The following RLN2 variants were observed in gnomAD, a reference collection of about 807,000 sequenced individuals.
RLN2 encodes the protein prorelaxin H2.
A neutral mutation model predicts 7.3 loss-of-function variants in RLN2; 10 were observed. The observed-to-expected ratio is 1.36, with a 90% CI of 0.84 to 2.31. The LOEUF (loss-of-function observed/expected upper bound fraction) is 2.31. Ranked by LOEUF, RLN2 falls within the 30% of genes most tolerant of loss-of-function variation. The pLI is 0.00. For missense variants in RLN2, 298 were observed against 217.6 expected, an observed-to-expected ratio of 1.37 and a Z score of -2.32; for synonymous variants, 103 against 82.3, an observed-to-expected ratio of 1.25 and a Z score of -1.36.
At chr9:5,336,723 CTCT>C in the RLN2 span, among the ~76,000 whole-genome samples, 3 of 152,018 alleles carry the variant, frequency 2.0e-5, no homozygotes, top group African/African-American at 7.3e-5. Context: ...GGTCTTGCTG[CTCT>C]TCTTCTTGGA....
rs763218675 is a variant in RLN2 at position 5,300,164 on chromosome 9, G to A, written c.492C>T (p.Tyr164=). Residue 164 remains tyrosine (Y), a synonymous_variant, in exon 2 of 2, where the codon TAC becomes TAT. Transcript: ENST00000381627. Reference sequence around the variant, plus strand: ...GGCAACATTTATTAGCCAATGCACTGTAGAGTTGTCTCTTTTTTCGAGAAT... The same window carrying A: ...GGCAACATTTATTAGCCAATGCACTATAGAGTTGTCTCTTTTTTCGAGAAT... ...DTHSRKKRQL[Y]SALANKCCHV... 9.9e-6 allele frequency: 16 copies of A among 1,613,602 alleles called. No homozygotes were observed. The Admixed American group carries it at 2.7e-4, about 27-fold the overall frequency.
upstream of RLN2, among the ~76,000 whole-genome samples, chr9:5,305,359 CCACACACACACACACACA>C (rs34733616): frequency 8.2e-4 from 100 of 121,898 alleles, no homozygotes; most frequent in Non-Finnish European, 1.1e-3. Context: ...GGAGAACATA[CCACACACACACACACACA>C]CACACACACA....
At chr9:5,323,312 T>C in the RLN2 span, among the ~76,000 whole-genome samples, 2 of 152,032 alleles carry the variant, frequency 1.3e-5, 1 homozygote, top group Non-Finnish European at 2.9e-5. Context: ...CTAATATCAA[T>C]TTAATTCATA....
At chr9:5,319,445 AG>A in the RLN2 span, among the ~76,000 whole-genome samples, 1 of 151,724 alleles carries the variant, frequency 6.6e-6, no homozygotes, top group Admixed American at 6.6e-5. Flanking sequence ...TTTTATGAGA[AG>A]TTTTTTTTAA....
intron 1 of RLN2, among the ~76,000 whole-genome samples, chr9:5,300,728 T>G (rs1816104420): frequency 6.6e-6 from 1 of 152,216 alleles, no homozygotes; most frequent in African/African-American, 2.4e-5. Flanking sequence ...TGACTCTCCC[T>G]GACATTAATC....
At chr9:5,330,420 C>G in the RLN2 span, among the ~76,000 whole-genome samples, 3 of 151,704 alleles carry the variant, frequency 2.0e-5, no homozygotes, top group African/African-American at 7.3e-5. Flanking sequence ...GGGCAGATCA[C>G]GAGGTCAGGA....
At chr9:5,306,114 T>TG (rs1554618126), upstream of RLN2, among the ~76,000 whole-genome samples, 9 of 150,154 alleles carry the variant, frequency 6.0e-5, 1 homozygote, top group Non-Finnish European at 1.2e-4. Context: ...TTTTTGTTTT[T>TG]TTTTTTTTTT....
At chr9:5,331,786 T>C in the RLN2 span, among the ~76,000 whole-genome samples, 2 of 152,038 alleles carry the variant, frequency 1.3e-5, no homozygotes, top group African/African-American at 4.8e-5. Context: ...CTGCACGTTG[T>C]GCACATGTAC....
rs1253841947 is a variant in RLN2, at chr9:5,304,398, A to G, written c.183T>C (p.Asp61=). The change falls in exon 1 of 2, where the codon GAT becomes GAC. Residue 61 remains aspartate, a synonymous_variant. Transcript: ENST00000381627. ...CCACTGGTCTAGGTGTCTGAGGAGC[A>G]TCTTCCTGGCTCAGAGACCTTTTGC... is the stretch of plus-strand genomic sequence containing the variant. ...TWSKRSLSQE[D]APQTPRPVAE... 6.2e-7 allele frequency: 1 copy of G among 1,607,212 alleles called. No individual in the cohort carries two copies. Among genetic ancestry groups the G allele is most frequent in the Non-Finnish European group, 8.5e-7 (1 of 1,177,654 alleles).
chr9:5,336,246 T>A, the RLN2 span, among the ~76,000 whole-genome samples: 2 of 152,136 alleles, frequency 1.3e-5, no homozygotes, highest in Admixed American at 1.3e-4. Context: ...GAGAAGTGGG[T>A]TAAAAGATCA....
the RLN2 span, among the ~76,000 whole-genome samples, chr9:5,314,048 T>G: frequency 2.0e-5 from 3 of 151,970 alleles, no homozygotes; most frequent in Non-Finnish European, 2.9e-5. Flanking sequence ...TCACCTCTGG[T>G]GACCCCTGCA....
At chr9:5,307,277 AT>A (rs370824114), upstream of RLN2, among the ~76,000 whole-genome samples, 40,079 of 97,646 alleles carry the variant, frequency 0.41, 5,721 homozygotes, top group African/African-American at 0.49. Flanking sequence ...TAGAGGATAG[AT>A]AGATAGATAG....
At chr9:5,318,068 C>T in the RLN2 span, among the ~76,000 whole-genome samples, 9 of 151,150 alleles carry the variant, frequency 6.0e-5, no homozygotes, top group South Asian at 8.4e-4. Flanking sequence ...GACAGGGTTT[C>T]GCCACATTGG....
the RLN2 span, among the ~76,000 whole-genome samples, chr9:5,330,212 T>C: frequency 6.6e-6 from 1 of 151,882 alleles, no homozygotes; most frequent in Non-Finnish European, 1.5e-5. Context: ...TTGAAACCAA[T>C]GAGAACAAAG....
intron 1 of RLN2, among the ~76,000 whole-genome samples, chr9:5,301,665 G>T (rs1276338757): frequency 6.6e-6 from 1 of 152,086 alleles, no homozygotes; most frequent in Non-Finnish European, 1.5e-5. Context: ...AGTGCGGGAG[G>T]CAGACACCTG....
chr9:5,322,830 T>G, the RLN2 span, among the ~76,000 whole-genome samples: 1 of 151,978 alleles, frequency 6.6e-6, no homozygotes, highest in Non-Finnish European at 1.5e-5. Flanking sequence ...GTTATAATAT[T>G]GGGTAGCATT....
chr9:5,335,179 A>C, the RLN2 span: 3 of 861,126 alleles, frequency 3.5e-6, no homozygotes, highest in Middle Eastern at 7.0e-4. Context: ...GTGGGACCTG[A>C]CAGAAGCATC....
chr9:5,328,704 G>C, the RLN2 span, among the ~76,000 whole-genome samples: 1 of 152,030 alleles, frequency 6.6e-6, no homozygotes, highest in Non-Finnish European at 1.5e-5. Flanking sequence ...CAGACTAACA[G>C]CGGATCTCTC....
Position 5,300,230 on chromosome 9 carries a change from G to A in RLN2, c.426C>T (p.Asp142=). The part of the protein sequence containing the change: ...LIRNRQSEAA[D]SSPSELKYLG... ...AGTATTTTAATTCTGAAGGACTGCTGTCTGCGGCTTCACTTTGTCTATTGC... is the reference window on the plus strand; with the variant it reads ...AGTATTTTAATTCTGAAGGACTGCTATCTGCGGCTTCACTTTGTCTATTGC... The change falls in exon 2 of 2, where the codon GAC becomes GAT. Residue 142 remains aspartate (D), a synonymous_variant. Transcript: ENST00000381627. 4 of 1,613,926 alleles carry A rather than the reference G, an allele frequency of 2.5e-6. No individual in the cohort carries two copies. Among genetic ancestry groups the A allele is most frequent in the Non-Finnish European group, 3.4e-6 (4 of 1,179,868 alleles).
Sources: allele counts gnomAD v4.1 joint callset (sites outside exome capture counted in the v4.1 genomes callset), GRCh38; gene constraint gnomAD v4.1.1; transcripts MANE v1.5; gene names NCBI Gene and HGNC (gene_info 2026-07-23, HGNC 2026-07-21).